PKD2L2: variants seen among roughly 807,000 people sequenced by gnomAD.
The protein encoded by PKD2L2 is polycystin 2 like 2, transient receptor potential cation channel.
PKD2L2 carries 67 observed loss-of-function variants against 83.9 expected under a neutral mutation model. The observed-to-expected ratio is 0.80, with a 90% CI of 0.66 to 0.98. The LOEUF is 0.98. Among genes scored for constraint, PKD2L2 ranks in the 50% least tolerant of loss-of-function variants. The pLI is 0.00. For missense variants in PKD2L2, 632 were observed against 717.2 expected (o/e 0.88, Z 1.36); for synonymous variants, 223 against 237.8 (o/e 0.94, Z 0.57).
chr5:137,935,365 G>GT (rs1219134016), intron 12 of PKD2L2, among the ~76,000 whole-genome samples: 1 of 152,154 alleles, frequency 6.6e-6, no homozygotes. Context: ...CAAAGAGGGG[G>GT]TTTTGAAGTC....
At chr5:137,901,566 C>G (rs977088127) in intron 5 of PKD2L2, among the ~76,000 whole-genome samples, 2 of 152,190 alleles carry the variant, frequency 1.3e-5, no homozygotes, top group Admixed American at 6.5e-5. Flanking sequence ...TGCTAACCCC[C>G]CTAACCTTGA....
chr5:137,940,220 G>C (rs750386837), intron 14 of PKD2L2: 3 of 1,613,796 alleles, frequency 1.9e-6, no homozygotes, highest in South Asian at 2.2e-5. Context: ...TTCAAGGAAC[G>C]TATCTTATAT....
chr5:137,901,141 A>T (rs1756920128), intron 5 of PKD2L2, among the ~76,000 whole-genome samples: 1 of 151,766 alleles, frequency 6.6e-6, no homozygotes, highest in Non-Finnish European at 1.5e-5. Context: ...TGTCTCAAAA[A>T]AAAAAAAAGA....
At position 137,916,469 on chromosome 5, in the gene PKD2L2, T is replaced by TTTC. The variant is rs765066837; in HGVS notation, c.1329-5161_1329-5159dup. On this transcript the variant is annotated intron_variant, in intron 8 of 14. Coordinates refer to ENST00000508883, the MANE Select transcript of PKD2L2 (RefSeq NM_001300921.2). The stretch of plus-strand genomic sequence containing the variant: ...AGATATAAGATTCTTAATTGCCACT[T>TTTC]TTCTTCTTTTTTTTTTTTTTTTTTT... 2.3e-3 allele frequency among the ~76,000 whole-genome samples: 312 copies of TTTC among 137,880 alleles called. 3 individuals are homozygous for TTTC. The highest frequency in any genetic ancestry group is 7.5e-3 in the Middle Eastern group (2 of 268). The allele number at this position is 137,880 out of a possible 152,430, so 90.5% of individuals were successfully genotyped here.
intron 12 of PKD2L2, among the ~76,000 whole-genome samples, chr5:137,931,923 A>G (rs968264321): frequency 3.9e-5 from 6 of 152,238 alleles, no homozygotes; most frequent in Non-Finnish European, 4.4e-5. Context: ...AATAATTTAC[A>G]TAAATGTCAT....
intron 2 of PKD2L2, among the ~76,000 whole-genome samples, 157 bp from the exon 3 acceptor site, chr5:137,892,323 C>A (rs1410354748): frequency 1.3e-5 from 2 of 152,130 alleles, no homozygotes; most frequent in Non-Finnish European, 2.9e-5. Flanking sequence ...CCACATCCTA[C>A]TTTTTATATT....
chr5:137,895,450 C>T (rs969705069), intron 4 of PKD2L2, among the ~76,000 whole-genome samples: 10 of 130,070 alleles, frequency 7.7e-5, no homozygotes, highest in African/African-American at 2.4e-4. Flanking sequence ...CCAGCCTGGG[C>T]GACAGAGGGA....
intron 5 of PKD2L2, among the ~76,000 whole-genome samples, chr5:137,904,544 C>T (rs866047939): frequency 6.6e-6 from 1 of 152,034 alleles, no homozygotes; most frequent in African/African-American, 2.4e-5. Context: ...TGCATGTTCT[C>T]ATAAGTGGGA....
At chr5:137,922,186 T>A (rs762670917) in intron 9 of PKD2L2, among the ~76,000 whole-genome samples, 4 of 152,192 alleles carry the variant, frequency 2.6e-5, no homozygotes, top group Non-Finnish European at 5.9e-5. Flanking sequence ...TATTTGGGCC[T>A]CCTAACCAAG....
rs1281998073 is a variant in PKD2L2 at position 137,915,198 on chromosome 5, ATTCTC to A, written c.1328+6257_1328+6261del. On this transcript the variant is annotated intron_variant, in intron 8 of 14. Coordinates refer to ENST00000508883, the MANE Select transcript of PKD2L2 (RefSeq NM_001300921.2). ...TGGAAGAGTTCGAAGATTGGCATTA[ATTCTC>A]TTCTTTTCTTGTACTGTCTTTCTCT... 2.6e-5 allele frequency among the ~76,000 whole-genome samples: 4 copies of A among 151,842 alleles called. No individual in the cohort carries two copies. The East Asian group carries it at 7.7e-4, about 29-fold the overall frequency.
At chr5:137,931,094 A>T (rs1224122817) in intron 12 of PKD2L2, among the ~76,000 whole-genome samples, 1 of 152,194 alleles carries the variant, frequency 6.6e-6, no homozygotes, top group African/African-American at 2.4e-5. Context: ...TGAAAATAAC[A>T]TTTGAAAAAC....
At position 137,908,853 on chromosome 5, in the gene PKD2L2, T is replaced by C; in HGVS notation, c.1235T>C (p.Ile412Thr). Reference protein sequence around the residue: ...RCVKDIVGFAIMFFIIFFAYA... With the variant: ...RCVKDIVGFATMFFIIFFAYA... ...GTTAAAGACATAGTAGGATTTGCCA[T>C]CATGTTTTTTATAATATTCTTTGCT... Residue 412 changes from isoleucine to threonine, a missense_variant, in exon 8 of 15, where the codon ATC becomes ACC. Ile to Thr is a moderately conservative substitution (Grantham distance 89). Transcript: ENST00000508883. 1 of 1,597,858 alleles carries C rather than the reference T, an allele frequency of 6.3e-7. No individual in the cohort carries two copies. The highest frequency in any genetic ancestry group is 8.6e-7 in the Non-Finnish European group (1 of 1,165,738).
At chr5:137,921,567 A>G in intron 8 of PKD2L2, 69 bp from the exon 9 acceptor site, 2 of 940,834 alleles carry the variant, frequency 2.1e-6, no homozygotes, top group Non-Finnish European at 1.7e-6. Flanking sequence ...TAGAGACATT[A>G]GTAACTCCCA....
chr5:137,941,115 A>C (rs917239400), intron 14 of PKD2L2, among the ~76,000 whole-genome samples: 4 of 151,996 alleles, frequency 2.6e-5, no homozygotes, highest in African/African-American at 7.3e-5. Flanking sequence ...TCACTGTGTT[A>C]GCCAGGATGG....
Position 137,936,391 on chromosome 5 carries a change from G to C in PKD2L2, c.1856G>C (p.Arg619Thr), listed in dbSNP as rs570737687. 6.5e-7 allele frequency: 1 copy of C among 1,534,452 alleles called. No individual in the cohort carries two copies. Among genetic ancestry groups the C allele is most frequent in the Non-Finnish European group, 8.7e-7 (1 of 1,145,232 alleles). Reference protein sequence around the residue: ...YINLKLNQVVRKVSAL With the variant: ...YINLKLNQVVTKVSAL ...AATTTGAAGCTAAATCAAGTGGTGA[G>C]AAAGGTTTCAGCTCTATAGTATTGA... Residue 619 changes from arginine to threonine, a missense_variant, in exon 14 of 15, where the codon AGA (arginine) becomes ACA (threonine). Around this residue, in one of 3 missense-constraint regions of PKD2L2, gnomAD observed 399 missense variants for 416.9 expected, o/e 0.96. Coordinates refer to ENST00000508883, the MANE Select transcript of PKD2L2 (RefSeq NM_001300921.2).
In PKD2L2 at chr5:137,908,959, T is replaced by G; in HGVS notation, c.1328+13T>G. 5 of 1,515,598 alleles carry G rather than the reference T, an allele frequency of 3.3e-6. No individual in the cohort carries two copies. The highest frequency in any genetic ancestry group is 4.5e-6 in the Non-Finnish European group (5 of 1,105,224). The allele number at this position is 1,515,598 out of a possible 1,614,324, so 93.9% of individuals were successfully genotyped here. ...TTCAGAATTCCATGTAAGCTCTTAG[T>G]ATAAATGTAATTATATCTTCTATAT... On this transcript the variant is annotated intron_variant, in intron 8 of 14. Transcript: ENST00000508883.
intron 5 of PKD2L2, among the ~76,000 whole-genome samples, chr5:137,905,386 CCTTCA>C (rs1370936606): frequency 2.0e-5 from 3 of 152,096 alleles, no homozygotes; most frequent in Admixed American, 6.5e-5. Context: ...TATTGAGTTT[CCTTCA>C]CTTCACTCAC....
At chr5:137,891,726 G>A (rs992060255) in intron 2 of PKD2L2, among the ~76,000 whole-genome samples, 4 of 148,636 alleles carry the variant, frequency 2.7e-5, no homozygotes, top group South Asian at 2.1e-4. Context: ...AGACAGTCTC[G>A]CTCTGTCACC....
chr5:137,906,491 A>G, intron 6 of PKD2L2, 57 bp downstream of exon 6: 3 of 824,146 alleles, frequency 3.6e-6, no homozygotes, highest in Non-Finnish European at 5.8e-6. Flanking sequence ...CTACCAATGA[A>G]GGAGGTGTAA....
Sources: allele counts gnomAD v4.1 joint callset (sites outside exome capture counted in the v4.1 genomes callset), GRCh38; gene constraint gnomAD v4.1.1; regional missense constraint gnomAD v4.1.1; transcripts MANE v1.5; gene names NCBI Gene and HGNC (gene_info 2026-07-23, HGNC 2026-07-21).